The following PSKH1 variants were observed in gnomAD, a reference collection of about 807,000 sequenced individuals.
PSKH1 encodes serine/threonine-protein kinase H1.
PSKH1 carries 12 observed loss-of-function variants against 26.7 expected under a neutral mutation model. The observed-to-expected ratio is 0.45, with a 90% CI of 0.29 to 0.73. The LOEUF (loss-of-function observed/expected upper bound fraction) is 0.73, where lower values mean the gene tolerates loss of function less well. PSKH1 is among the 30% of genes least tolerant of loss of function. PSKH1 has a pLI of 0.11. For missense variants in PSKH1, 431 were observed against 595.2 expected, an observed-to-expected ratio of 0.72 and a Z score of 2.87; for synonymous variants, 213 against 234.3, an observed-to-expected ratio of 0.91 and a Z score of 0.83.
chr16:67,904,954 G>A (rs906283196), intron 1 of PSKH1, among the ~76,000 whole-genome samples: 2 of 151,314 alleles, frequency 1.3e-5, no homozygotes, highest in Non-Finnish European at 2.9e-5. Context: ...AGCCTCCCGA[G>A]TAGCTGAGAC....
chr16:67,927,787 TCAG>T lies in PSKH1; in HGVS notation c.*150_*152del. ...TGGCTCCAGCCCTTTCTCTGTGCCTTCAGCAGCCCCTGTCCTCACCATGGGCCT... is the reference window on the plus strand; with the variant it reads ...TGGCTCCAGCCCTTTCTCTGTGCCTTCAGCCCCTGTCCTCACCATGGGCCT... On this transcript the variant is annotated 3_prime_UTR_variant, in exon 3 of 3. Transcript: ENST00000291041. This position sits in a 1 kb window ranked among gnomAD's most constrained non-coding sequence, Gnocchi z 5.5. 1 of 1,005,326 alleles carries T rather than the reference TCAG, an allele frequency of 9.9e-7. No homozygotes were observed. Among genetic ancestry groups the T allele is most frequent in the Non-Finnish European group, 1.4e-6 (1 of 701,616 alleles). 62.3% of individuals were successfully genotyped at this position (1,005,326 alleles called of 1,614,324 possible).
In PSKH1 at chr16:67,927,187, G is replaced by A. The variant is rs1010008677; in HGVS notation, c.958-138G>A. 33 of 845,880 alleles carry A rather than the reference G, an allele frequency of 3.9e-5. No individual in the cohort carries two copies. Among genetic ancestry groups the A allele is most frequent in the African/African-American group, 1.5e-4 (9 of 58,862 alleles). 52.4% of individuals were successfully genotyped at this position (845,880 alleles called of 1,614,324 possible). On this transcript the variant is annotated intron_variant, in intron 2 of 2. Transcript: ENST00000291041. The surrounding 1 kb of genome is among the most constrained non-coding windows in gnomAD (Gnocchi z 5.5). ...TGTTCAGCCTGAGCCAGCGTTGGGC[G>A]GGGAGGCCCCAAGTGCTACATGAGA...
At chr16:67,895,687 G>A (rs549468286) in intron 1 of PSKH1, among the ~76,000 whole-genome samples, 23 of 152,220 alleles carry the variant, frequency 1.5e-4, no homozygotes, top group South Asian at 2.1e-4. Flanking sequence ...GATTACAGGC[G>A]TGAGCCACCA....
intron 1 of PSKH1, among the ~76,000 whole-genome samples, chr16:67,904,700 TC>T (rs1012433605): frequency 2.6e-5 from 4 of 151,980 alleles, no homozygotes; most frequent in African/African-American, 4.8e-5. Flanking sequence ...CAGGCTAGTC[TC>T]AAACTCCTGC....
In PSKH1 at chr16:67,927,178, G is replaced by T; in HGVS notation, c.958-147G>T. 1.3e-6 allele frequency: 1 copy of T among 775,684 alleles called. No homozygotes were observed. Among genetic ancestry groups the T allele is most frequent in the South Asian group, 1.8e-5 (1 of 56,482 alleles). The allele number at this position is 775,684 out of a possible 1,614,324, so 48.1% of individuals were successfully genotyped here. On this transcript the variant is annotated intron_variant, in intron 2 of 2. Transcript: ENST00000291041. The surrounding 1 kb of genome is among the most constrained non-coding windows in gnomAD (Gnocchi z 5.5). Reference sequence around the variant, plus strand: ...AGCAGCCCTTGTTCAGCCTGAGCCAGCGTTGGGCGGGGAGGCCCCAAGTGC... The same window carrying T: ...AGCAGCCCTTGTTCAGCCTGAGCCATCGTTGGGCGGGGAGGCCCCAAGTGC...
intron 2 of PSKH1, among the ~76,000 whole-genome samples, chr16:67,919,415 C>T (rs141010400): frequency 3.1e-3 from 465 of 152,284 alleles, no homozygotes; most frequent in Non-Finnish European, 5.5e-3. Flanking sequence ...GGCATCTGTC[C>T]CTAAGCCCTT....
intron 1 of PSKH1, among the ~76,000 whole-genome samples, chr16:67,907,956 A>G (rs1449864439): frequency 1.3e-5 from 2 of 152,254 alleles, no homozygotes; most frequent in East Asian, 3.9e-4. Flanking sequence ...CCAACACTTC[A>G]CACCCCCATT....
chr16:67,905,442 C>CT (rs562338134), intron 1 of PSKH1, among the ~76,000 whole-genome samples: 17 of 152,336 alleles, frequency 1.1e-4, no homozygotes, highest in Non-Finnish European at 2.2e-4. Context: ...CCTCATCTGA[C>CT]TCATTCTTGC....
intron 2 of PSKH1, among the ~76,000 whole-genome samples, chr16:67,925,220 G>C (rs1368509752): frequency 6.7e-6 from 1 of 149,402 alleles, no homozygotes; most frequent in Non-Finnish European, 1.5e-5. Flanking sequence ...TTTTTGAGAC[G>C]GAGTCTCGCT....
In PSKH1 at chr16:67,927,604, G is replaced by T. The variant is rs1186493255; in HGVS notation, c.1237G>T (p.Glu413Ter). The T allele has an allele frequency of 3.1e-6, 5 of 1,610,828 alleles. No individual in the cohort carries two copies. The highest frequency in any genetic ancestry group is 4.2e-6 in the Non-Finnish European group (5 of 1,179,812). Residue 413 changes from glutamate (E) to a stop codon, truncating the protein, a stop_gained, in exon 3 of 3, where the codon GAG (glutamate) becomes TAG (stop). Coordinates refer to ENST00000291041, the MANE Select transcript of PSKH1 (RefSeq NM_006742.3). LOFTEE classifies it high-confidence loss of function. This position sits in a 1 kb window ranked among gnomAD's most constrained non-coding sequence, Gnocchi z 5.5. ...SRRVRERELR[E>*]LNLRYQQQYN... ...CCGTGTGCGGGAACGGGAGCTGCGG[G>T]AGCTCAACCTGCGCTACCAGCAGCA...
rs1325169934 is a variant in PSKH1 at position 67,928,873 on chromosome 16, A to G, written c.*1231A>G. ...GCACCCCTCCCTGGAACTTAGCCAT[A>G]CTGTGTGACCTGCCTCTGAAACCAG... is the stretch of plus-strand genomic sequence containing the variant. On this transcript the variant is annotated 3_prime_UTR_variant, in exon 3 of 3. Transcript: ENST00000291041. This position sits in a 1 kb window ranked among gnomAD's most constrained non-coding sequence, Gnocchi z 4.8. The G allele has an allele frequency of 6.6e-6, 1 of 152,558 alleles. No homozygotes were observed. Among genetic ancestry groups the G allele is most frequent in the African/African-American group, 2.4e-5 (1 of 41,428 alleles). The allele number at this position is 152,558 out of a possible 1,614,324, so 9.5% of individuals were successfully genotyped here. A position where few individuals can be genotyped will look rare whatever the true frequency, so the allele number is the denominator to read the frequency against.
Position 67,912,855 on chromosome 16 carries a change from C to T in PSKH1, c.957+3149C>T, listed in dbSNP as rs927727179. ...TGCACTTCAGCCTGGGCAACAAGAG[C>T]GAAACTCTGTCTCAAAAAAAGAAAC... On this transcript the variant is annotated intron_variant, in intron 2 of 2. Transcript: ENST00000291041. Among the ~76,000 whole-genome samples, 8 of 150,562 alleles carry T rather than the reference C, an allele frequency of 5.3e-5. No individual in the cohort carries two copies. In the South Asian group the frequency reaches 8.4e-4, roughly 16 times the overall value.
At chr16:67,895,970 A>G (rs984777132) in intron 1 of PSKH1, among the ~76,000 whole-genome samples, 2 of 152,146 alleles carry the variant, frequency 1.3e-5, no homozygotes, top group African/African-American at 2.4e-5. Flanking sequence ...TGCCTACTAC[A>G]TGTGCTTGTA....
intron 2 of PSKH1, among the ~76,000 whole-genome samples, chr16:67,919,243 C>T (rs1215013215): frequency 1.3e-5 from 2 of 152,196 alleles, no homozygotes; most frequent in Non-Finnish European, 2.9e-5. Flanking sequence ...AATTGCCTGA[C>T]TTTTCTCACC....
rs948610253 is a variant in PSKH1 at position 67,914,576 on chromosome 16, T to G, written c.957+4870T>G. 2.0e-5 allele frequency among the ~76,000 whole-genome samples: 3 copies of G among 152,242 alleles called. No homozygotes were observed. In the South Asian group the frequency reaches 6.2e-4, roughly 32 times the overall value. On this transcript the variant is annotated intron_variant, in intron 2 of 2. Transcript: ENST00000291041. Reference sequence around the variant, plus strand: ...TTCCAGCGATTCTCCTGCCTCAGCCTCCCGAGTAGCTGGGATTACAGGAGT... The same window carrying G: ...TTCCAGCGATTCTCCTGCCTCAGCCGCCCGAGTAGCTGGGATTACAGGAGT...
Position 67,898,250 on chromosome 16 carries a change from C to G in PSKH1, c.-71+4879C>G, listed in dbSNP as rs1405956860. On this transcript the variant is annotated intron_variant, in intron 1 of 2. Coordinates refer to ENST00000291041, the MANE Select transcript of PSKH1 (RefSeq NM_006742.3). ...AACAAGCCTGGGCAACATGGTGAAA[C>G]CCTGTCTCTACTGAAAATACAAAGA... 3.3e-5 allele frequency among the ~76,000 whole-genome samples: 5 copies of G among 152,014 alleles called. No homozygotes were observed. The East Asian group carries it at 9.7e-4, about 29-fold the overall frequency.
chr16:67,913,597 G>A, intron 2 of PSKH1, among the ~76,000 whole-genome samples: 1 of 152,198 alleles, frequency 6.6e-6, no homozygotes, highest in East Asian at 1.9e-4. Flanking sequence ...TGAAGTGAGT[G>A]GCTGGAAGGA....
At chr16:67,898,625 C>CTT (rs141319654) in intron 1 of PSKH1, among the ~76,000 whole-genome samples, 5 of 139,056 alleles carry the variant, frequency 3.6e-5, no homozygotes, top group African/African-American at 7.9e-5. Flanking sequence ...TTCTTTCTTT[C>CTT]TTTTTTTTTT....
At chr16:67,905,156 T>A (rs1267919242) in intron 1 of PSKH1, among the ~76,000 whole-genome samples, 1 of 152,126 alleles carries the variant, frequency 6.6e-6, no homozygotes, top group Non-Finnish European at 1.5e-5. Flanking sequence ...ACTTTGACCC[T>A]CCTTCAGGTC....
Sources: allele counts gnomAD v4.1 joint callset (sites outside exome capture counted in the v4.1 genomes callset), GRCh38; gene constraint gnomAD v4.1.1; non-coding constraint Gnocchi (gnomAD v3.1); transcripts MANE v1.5; gene names NCBI Gene and HGNC (gene_info 2026-07-23, HGNC 2026-07-21).